Variants in QARS1 observed in about 807,000 individuals in gnomAD.
The protein encoded by QARS1 is glutamine--tRNA ligase.
Under a neutral mutation model 106.9 loss-of-function variants are expected in QARS1, and 79 were observed. The ratio of observed to expected loss-of-function variants is 0.74; its 90% CI spans 0.62 to 0.89. QARS1 has a LOEUF of 0.89. Among genes scored for constraint, QARS1 ranks in the 40% least tolerant of loss-of-function variants. The probability of loss-of-function intolerance (pLI) is 0.00; values close to 1 mark genes in which losing one functional copy is unlikely to be tolerated. For synonymous variants in QARS1, 395 were observed against 367.7 expected, an observed-to-expected ratio of 1.07 and a Z score of -0.85; for missense variants, 966 against 997.2, an observed-to-expected ratio of 0.97 and a Z score of 0.42.
At position 49,098,277 on chromosome 3, in the gene QARS1, T is replaced by A. The variant is rs980654297; in HGVS notation, c.2085-19A>T. ...CTGGAATCTGCAGCCAAAGTGAAGG[T>A]CATACCCCCAGCTGGGCAGCCATAG... On this transcript the variant is annotated intron_variant, in intron 21 of 23. Coordinates refer to ENST00000306125, the MANE Select transcript of QARS1 (RefSeq NM_005051.3). 16 of 1,614,028 alleles carry A rather than the reference T, an allele frequency of 9.9e-6. No homozygotes were observed. The highest frequency in any genetic ancestry group is 1.6e-4 in the Middle Eastern group (1 of 6,084).
rs1379211376 is a variant in QARS1 at position 49,098,213 on chromosome 3, T to G, written c.2130A>C (p.Gly710=). Residue 710 remains glycine (G), a synonymous_variant, in exon 22 of 24, where the codon GGA becomes GGC. Coordinates refer to ENST00000306125, the MANE Select transcript of QARS1 (RefSeq NM_005051.3). ...NPEDPTEVPG[G]FLSDLNLASL... ...CTACCAGGTTCAGGTCACTTAAAAA[T>G]CCACCAGGCACCTCAGTAGGATCTT... The G allele has an allele frequency of 2.5e-6, 4 of 1,614,080 alleles. No individual in the cohort carries two copies. Among genetic ancestry groups the G allele is most frequent in the Non-Finnish European group, 3.4e-6 (4 of 1,180,004 alleles).
intron 5 of QARS1, chr3:49,102,772 A>G: frequency 2.3e-6 from 1 of 442,864 alleles, no homozygotes; most frequent in Non-Finnish European, 4.3e-6. Flanking sequence ...CCTTCTGAGT[A>G]CCTGGGACTG....
Position 49,103,621 on chromosome 3 carries a change from C to G in QARS1, c.451+10G>C. The G allele has an allele frequency of 6.2e-7, 1 of 1,612,644 alleles. No homozygotes were observed. The highest frequency in any genetic ancestry group is 8.5e-7 in the Non-Finnish European group (1 of 1,179,334). On this transcript the variant is annotated intron_variant, in intron 4 of 23. Coordinates refer to ENST00000306125, the MANE Select transcript of QARS1 (RefSeq NM_005051.3). Reference sequence around the variant, plus strand: ...GAGAACAATATAGCCCCGTTCCAGGCCCTGCTCACCCATCAGCAGCCCCAT... The same window carrying G: ...GAGAACAATATAGCCCCGTTCCAGGGCCTGCTCACCCATCAGCAGCCCCAT...
rs557972227 is a variant in QARS1 at position 49,098,362 on chromosome 3, T to C, written c.2075A>G (p.Tyr692Cys). The change falls in exon 21 of 24, where the codon TAT (tyrosine) becomes TGT (cysteine). Residue 692 changes from tyrosine (Y) to cysteine (C), a missense_variant. By Grantham distance (194) the Tyr-to-Cys change is radical. Transcript: ENST00000306125. Reference protein sequence around the residue: ...SQPLMCEVRLYERLFQHKNPE... With the variant: ...SQPLMCEVRLCERLFQHKNPE... ...AGCTCTGTTCACTCACAGTCGCTCA[T>C]AGAGGCGAACCTCACACATCAAAGG... is the stretch of plus-strand genomic sequence containing the variant. The C allele has an allele frequency of 6.9e-5, 112 of 1,614,204 alleles. No individual in the cohort carries two copies. Among genetic ancestry groups the C allele is most frequent in the Non-Finnish European group, 9.1e-5 (107 of 1,180,028 alleles).
chr3:49,104,039 TCTC>T (rs1290246486), intron 2 of QARS1, 67 bp from the exon 3 acceptor site: 2 of 1,426,038 alleles, frequency 1.4e-6, no homozygotes, highest in East Asian at 4.8e-5. Flanking sequence ...AGGGTCCTAA[TCTC>T]ATGAAACTCC....
At chr3:49,098,527 C>T (rs753338846) in intron 20 of QARS1, 47 bp from the exon 21 acceptor site, 9 of 1,613,290 alleles carry the variant, frequency 5.6e-6, no homozygotes, top group Middle Eastern at 1.6e-4. Context: ...GGAACCACAA[C>T]CAGGACTGCA....
intron 2 of QARS1, 149 bp from the exon 3 acceptor site, chr3:49,104,121 A>C (rs762689082): frequency 2.2e-4 from 244 of 1,117,792 alleles, no homozygotes; most frequent in Non-Finnish European, 3.0e-4. Flanking sequence ...GGGAAGAAAG[A>C]AGCACGTGTC....
chr3:49,103,208 T>A lies in QARS1; in HGVS notation c.516+137A>T, dbSNP rs2042493700. On this transcript the variant is annotated intron_variant, in intron 5 of 23. Coordinates refer to ENST00000306125, the MANE Select transcript of QARS1 (RefSeq NM_005051.3). ...CCTGGGCTCAAGTAATCCTCCTGCCTCAGCCTCCCAAAGTGCTGGGATCAG... is the reference window on the plus strand; with the variant it reads ...CCTGGGCTCAAGTAATCCTCCTGCCACAGCCTCCCAAAGTGCTGGGATCAG... The A allele has an allele frequency of 3.4e-6, 3 of 884,046 alleles. No homozygotes were observed. In the Admixed American group the frequency reaches 5.5e-5, roughly 16 times the overall value. 54.8% of individuals were successfully genotyped at this position (884,046 alleles called of 1,614,324 possible). A position where few individuals can be genotyped will look rare whatever the true frequency, so the allele number is the denominator to read the frequency against.
chr3:49,101,060 T>C (rs1035945171), intron 10 of QARS1, among the ~76,000 whole-genome samples: 9 of 152,230 alleles, frequency 5.9e-5, no homozygotes, highest in African/African-American at 1.7e-4. Context: ...GAATTAAAAA[T>C]GTCTTCAAGA....
intron 23 of QARS1, 23 bp downstream of exon 23, chr3:49,097,969 G>A: frequency 2.5e-6 from 4 of 1,613,884 alleles, no homozygotes; most frequent in Non-Finnish European, 3.4e-6. Context: ...TGCAGATGAG[G>A]GCAGGTGAGT....
chr3:49,104,495 G>C (rs777783231), intron 1 of QARS1, 24 bp from the exon 2 acceptor site: 1 of 1,612,678 alleles, frequency 6.2e-7, no homozygotes, highest in Non-Finnish European at 8.5e-7. Flanking sequence ...GGTCAAGAGA[G>C]AAGCCCCGCG....
At chr3:49,097,064 A>C (rs1285609439) in intron 23 of QARS1, 1 of 151,956 alleles carries the variant, frequency 6.6e-6, no homozygotes, top group African/African-American at 2.4e-5. Context: ...GCACTCTAGG[A>C]GGCTGAGACA....
At chr3:49,099,057 G>A (rs1286864632) in intron 18 of QARS1, 53 bp downstream of exon 18, 3 of 1,613,592 alleles carry the variant, frequency 1.9e-6, no homozygotes, top group Non-Finnish European at 2.5e-6. Context: ...CCAGAGCCAA[G>A]TGTACCCCCA....
chr3:49,104,449 G>A lies in QARS1; in HGVS notation c.140C>T (p.Thr47Ile), dbSNP rs1342775742. Residue 47 changes from threonine to isoleucine, a missense_variant, in exon 2 of 24, where the codon ACC becomes ATC. Coordinates refer to ENST00000306125, the MANE Select transcript of QARS1 (RefSeq NM_005051.3). ...ATQAQQTLGS[T>I]IDKATGILLY... ...CAGGATCCCGGTAGCTTTGTCAATG[G>A]TGGAACCCAGGGTCTGCTGAGCCTG... 1.4e-5 allele frequency: 23 copies of A among 1,614,066 alleles called. No homozygotes were observed. The highest frequency in any genetic ancestry group is 1.9e-5 in the Non-Finnish European group (23 of 1,180,062).
chr3:49,104,454 A>G lies in QARS1; in HGVS notation c.135T>C (p.Gly45=), dbSNP rs1181844856. ...TCCCGGTAGCTTTGTCAATGGTGGA[A>G]CCCAGGGTCTGCTGAGCCTGAGGTC... ...EAATQAQQTL[G]STIDKATGIL... is the part of the protein sequence containing the mutation. Residue 45 remains glycine (G), a synonymous_variant, in exon 2 of 24, where the codon GGT becomes GGC. Transcript: ENST00000306125. 2 of 1,614,006 alleles carry G rather than the reference A, an allele frequency of 1.2e-6. No homozygotes were observed. The highest frequency in any genetic ancestry group is 1.7e-6 in the Non-Finnish European group (2 of 1,180,050).
In QARS1 at chr3:49,100,686, G is replaced by A. The variant is rs1197276215; in HGVS notation, c.877-12C>T. 3 of 1,555,652 alleles carry A rather than the reference G, an allele frequency of 1.9e-6. No homozygotes were observed. In the African/African-American group the frequency reaches 4.1e-5, roughly 21 times the overall value. On this transcript the variant is annotated splice_polypyrimidine_tract_variant and intron_variant, in intron 10 of 23. Coordinates refer to ENST00000306125, the MANE Select transcript of QARS1 (RefSeq NM_005051.3). ...ATGCCATTGTTGGCCTAGGAAAGTT[G>A]CACCATCTGTGAACTCCCACATCAT...
In QARS1 at chr3:49,099,399, G is replaced by T. The variant is rs764216449; in HGVS notation, c.1559C>A (p.Thr520Lys). ...DWDDPRLFTL[T>K]ALRRRGFPPE... ...TGGGAAGCCCCGCCGTCGCAGGGCC[G>T]TGAGTGTAAAGAGCCGTGGGTCATC... Residue 520 changes from threonine to lysine, a missense_variant, in exon 17 of 24, where the codon ACG becomes AAG. Physicochemically the swap from Thr to Lys is moderately conservative, Grantham distance 78. Coordinates refer to ENST00000306125, the MANE Select transcript of QARS1 (RefSeq NM_005051.3). The T allele has an allele frequency of 6.2e-7, 1 of 1,614,198 alleles. No individual in the cohort carries two copies. Among genetic ancestry groups the T allele is most frequent in the South Asian group, 1.1e-5 (1 of 91,090 alleles).
Position 49,098,334 on chromosome 3 carries a change from C to A in QARS1, c.2084+19G>T. 1 of 1,614,212 alleles carries A rather than the reference C, an allele frequency of 6.2e-7. No individual in the cohort carries two copies. Among genetic ancestry groups the A allele is most frequent in the Non-Finnish European group, 8.5e-7 (1 of 1,180,032 alleles). The stretch of plus-strand genomic sequence containing the variant: ...ATGTGCATCTTGTACCTGCCCCCAC[C>A]CCAGCTCTGTTCACTCACAGTCGCT... On this transcript the variant is annotated intron_variant, in intron 21 of 23. Coordinates refer to ENST00000306125, the MANE Select transcript of QARS1 (RefSeq NM_005051.3).
chr3:49,099,023 T>C (rs2042430269), intron 18 of QARS1, 34 bp from the exon 19 acceptor site: 1 of 1,612,348 alleles, frequency 6.2e-7, no homozygotes, highest in Middle Eastern at 1.7e-4. Flanking sequence ...GTATGAGTCA[T>C]ACTCAGCATT....
Sources: gnomAD v4.1 joint callset for allele counts (sites outside exome capture counted in the v4.1 genomes callset) on GRCh38, gnomAD v4.1.1 for gene constraint, MANE v1.5 for transcripts, NCBI Gene and HGNC (gene_info 2026-07-23, HGNC 2026-07-21) for gene names.